FAM193A: variants seen among roughly 807,000 people sequenced by gnomAD.
FAM193A encodes the protein protein FAM193A.
FAM193A carries 22 observed loss-of-function variants against 126.5 expected under a neutral mutation model. The ratio of observed to expected loss-of-function variants is 0.17; its 90% confidence interval spans 0.12 to 0.25. The LOEUF is 0.25. Among genes scored for constraint, FAM193A ranks in the 10% least tolerant of loss-of-function variants. The pLI, the probability that FAM193A is intolerant of heterozygous loss-of-function variation, is 1.00. For synonymous variants in FAM193A, 761 were observed against 646.8 expected (o/e 1.18, Z -2.68); for missense variants, 1,675 against 1,672.8 (o/e 1.00, Z -0.02).
intron 17 of FAM193A, 45 bp from the exon 18 acceptor site, chr4:2,696,318 T>G: frequency 7.5e-7 from 1 of 1,330,470 alleles, no homozygotes; most frequent in Non-Finnish European, 1.1e-6. Flanking sequence ...ATTTATTATA[T>G]TCAAAATTTT....
At chr4:2,632,547 AAAAAG>A (rs1241964411) in intron 5 of FAM193A, among the ~76,000 whole-genome samples, 1 of 152,150 alleles carries the variant, frequency 6.6e-6, no homozygotes, top group Non-Finnish European at 1.5e-5. Context: ...ATCCTATCTC[AAAAAG>A]AAAAGAAAAA....
At chr4:2,633,770 A>T (rs1012761418) in intron 5 of FAM193A, among the ~76,000 whole-genome samples, 4 of 151,712 alleles carry the variant, frequency 2.6e-5, no homozygotes, top group Admixed American at 6.6e-5. Context: ...GCACGCGCCT[A>T]TAATCCCAGC....
At chr4:2,552,277 C>T (rs1235271425) in intron 1 of FAM193A, among the ~76,000 whole-genome samples, 1 of 151,326 alleles carries the variant, frequency 6.6e-6, no homozygotes, top group African/African-American at 2.4e-5. Flanking sequence ...TCCCAAAGTG[C>T]TGGGATTACA....
intron 2 of FAM193A, among the ~76,000 whole-genome samples, chr4:2,603,394 C>T (rs1247006639): frequency 6.6e-6 from 1 of 151,140 alleles, no homozygotes; most frequent in Non-Finnish European, 1.5e-5. Context: ...AAGCCATTCT[C>T]CTTCCTCAGC....
At position 2,659,900 on chromosome 4, in the gene FAM193A, C is replaced by T; in HGVS notation, c.1591C>T (p.Leu531Phe). 1 of 1,614,168 alleles carries T rather than the reference C, an allele frequency of 6.2e-7. No individual in the cohort carries two copies. ...PVTDDIHIHQLPLQVDPAPDY... is the reference protein window; with the variant it reads ...PVTDDIHIHQFPLQVDPAPDY... Reference sequence around the variant, plus strand: ...CACTGATGACATCCACATTCACCAGCTCCCACTTCAAGTGGATCCTGCTCC... The same window carrying T: ...CACTGATGACATCCACATTCACCAGTTCCCACTTCAAGTGGATCCTGCTCC... The change falls in exon 10 of 21, where the codon CTC becomes TTC. Residue 531 changes from leucine (L) to phenylalanine (F), a missense_variant. This residue lies in a region of FAM193A where 1,186 missense variants were observed against 1,109.2 expected (regional missense o/e 1.07). Coordinates refer to ENST00000637812, the MANE Select transcript of FAM193A (RefSeq NM_001366318.2).
At chr4:2,652,726 C>T (rs555695956) in intron 7 of FAM193A, among the ~76,000 whole-genome samples, 56 of 152,218 alleles carry the variant, frequency 3.7e-4, no homozygotes, top group African/African-American at 1.3e-3. Flanking sequence ...GAGATTTGGG[C>T]GGGGACACAA....
Position 2,603,144 on chromosome 4 carries a change from G to GTA in FAM193A, c.501+6825_501+6826dup, listed in dbSNP as rs752552663. Among the ~76,000 whole-genome samples the GTA allele has an allele frequency of 5.2e-3, 763 of 147,462 alleles. 7 individuals carry two copies. The highest frequency in any genetic ancestry group is 5.2e-3 in the Non-Finnish European group (348 of 67,144). On this transcript the variant is annotated intron_variant, in intron 2 of 20. Coordinates refer to ENST00000637812, the MANE Select transcript of FAM193A (RefSeq NM_001366318.2). ...CCACCATGCCTGGCTAATTTTGTGT[G>GTA]TATATATATATGTATATATATATAT...
chr4:2,620,116 T>G (rs1314437235), intron 2 of FAM193A, among the ~76,000 whole-genome samples: 1 of 152,222 alleles, frequency 6.6e-6, no homozygotes, highest in Non-Finnish European at 1.5e-5. Context: ...TTTGTTATTT[T>G]TCTTTTAAAT....
intron 19 of FAM193A, among the ~76,000 whole-genome samples, chr4:2,709,018 A>C (rs932453125): frequency 6.6e-6 from 1 of 152,122 alleles, no homozygotes; most frequent in African/African-American, 2.4e-5. Flanking sequence ...ATATATTATA[A>C]GATAATTATT....
chr4:2,649,132 G>T (rs1357509251), intron 7 of FAM193A, among the ~76,000 whole-genome samples: 1 of 152,180 alleles, frequency 6.6e-6, no homozygotes, highest in Non-Finnish European at 1.5e-5. Context: ...TCAGCACTTT[G>T]GGAGGCTAAG....
intron 13 of FAM193A, among the ~76,000 whole-genome samples, chr4:2,675,269 G>A (rs1714266148): frequency 6.6e-6 from 1 of 152,122 alleles, no homozygotes; most frequent in Admixed American, 6.6e-5. Flanking sequence ...TTGATTGATG[G>A]TGCTCTTGAG....
At chr4:2,699,243 G>A (rs1717385703) in intron 18 of FAM193A, among the ~76,000 whole-genome samples, 1 of 152,152 alleles carries the variant, frequency 6.6e-6, no homozygotes, top group Non-Finnish European at 1.5e-5. Context: ...CTGGCGGCAC[G>A]TGTACAGCCT....
chr4:2,618,333 G>C (rs973228205), intron 2 of FAM193A, among the ~76,000 whole-genome samples: 2 of 152,068 alleles, frequency 1.3e-5, no homozygotes, highest in Non-Finnish European at 2.9e-5. Flanking sequence ...TCTTCACGTA[G>C]TCCCCTTTTT....
intron 20 of FAM193A, among the ~76,000 whole-genome samples, chr4:2,730,002 C>T (rs1241939282): frequency 6.6e-6 from 1 of 152,116 alleles, no homozygotes; most frequent in Non-Finnish European, 1.5e-5. Flanking sequence ...ACCTCCCAGG[C>T]TCAAGGATCC....
chr4:2,539,359 G>A lies in FAM193A; in HGVS notation c.255+2189G>A, dbSNP rs940163786. On this transcript the variant is annotated intron_variant, in intron 1 of 20. Transcript: ENST00000637812. The stretch of plus-strand genomic sequence containing the variant: ...ACTAAGGGCACAGACCCTTGCCACT[G>A]TGCCCACCTGAGTATTATTTTTGAC... 3.3e-5 allele frequency among the ~76,000 whole-genome samples: 5 copies of A among 152,128 alleles called. No homozygotes were observed. In the East Asian group the frequency reaches 9.7e-4, roughly 29 times the overall value.
intron 18 of FAM193A, among the ~76,000 whole-genome samples, chr4:2,697,452 C>T (rs1717167950): frequency 6.6e-6 from 1 of 152,212 alleles, no homozygotes; most frequent in Non-Finnish European, 1.5e-5. Flanking sequence ...CTAAAAGTGT[C>T]AGGCTCCAAG....
intron 20 of FAM193A, among the ~76,000 whole-genome samples, 158 bp downstream of exon 20, chr4:2,716,262 C>T (rs919506726): frequency 6.6e-6 from 1 of 152,202 alleles, no homozygotes; most frequent in Non-Finnish European, 1.5e-5. Flanking sequence ...TAGGACAGGC[C>T]AGCCACACAC....
At chr4:2,711,327 T>TTTTG (rs545625478) in intron 19 of FAM193A, among the ~76,000 whole-genome samples, 2 of 151,922 alleles carry the variant, frequency 1.3e-5, no homozygotes, top group East Asian at 3.9e-4. Flanking sequence ...ATTTTTCCTT[T>TTTTG]TTTGTTTGTT....
intron 5 of FAM193A, among the ~76,000 whole-genome samples, chr4:2,631,924 T>A (rs958960793): frequency 2.6e-5 from 4 of 152,352 alleles, no homozygotes; most frequent in Non-Finnish European, 4.4e-5. Context: ...ACTAATAGTC[T>A]ATGGAGTTTT....
Sources: allele counts gnomAD v4.1 joint callset (sites outside exome capture counted in the v4.1 genomes callset), GRCh38; gene constraint gnomAD v4.1.1; regional missense constraint gnomAD v4.1.1; transcripts MANE v1.5; gene names NCBI Gene and HGNC (gene_info 2026-07-23, HGNC 2026-07-21).